The following LAMA5 variants were observed in gnomAD, a reference collection of about 807,000 sequenced individuals.
The protein encoded by LAMA5 is laminin subunit alpha-5.
In LAMA5, 260 loss-of-function variants were observed where a neutral mutation model predicts 433.4. The ratio of observed to expected loss-of-function variants is 0.60; its 90% CI spans 0.54 to 0.66. LAMA5 has a LOEUF of 0.66. Among genes scored for constraint, LAMA5 ranks in the 30% least tolerant of loss-of-function variants. The probability of loss-of-function intolerance (pLI) is 0.00; values close to 1 mark genes in which losing one functional copy is unlikely to be tolerated. For synonymous variants in LAMA5, 2,620 were observed against 2,226.6 expected (o/e 1.18, Z -4.97); for missense variants, 5,378 against 5,258.5 (o/e 1.02, Z -0.70).
chr20:62,324,968 G>A lies in LAMA5; in HGVS notation c.5529+348C>T. 1 of 405,004 alleles carries A rather than the reference G, an allele frequency of 2.5e-6. No homozygotes were observed. The highest frequency in any genetic ancestry group is 4.6e-5 in the East Asian group (1 of 21,678). 25.1% of individuals were successfully genotyped at this position (405,004 alleles called of 1,614,324 possible). On this transcript the variant is annotated intron_variant, in intron 41 of 79. Coordinates refer to ENST00000252999, the MANE Select transcript of LAMA5 (RefSeq NM_005560.6). This position sits in a 1 kb window ranked among gnomAD's most constrained non-coding sequence, Gnocchi z 4.4. Reference sequence around the variant, plus strand: ...ATTAGCAGCTGGACAGACACACAGTGGGCGAGGGATGGGCAGAATGACAGG... The same window carrying A: ...ATTAGCAGCTGGACAGACACACAGTAGGCGAGGGATGGGCAGAATGACAGG...
chr20:62,327,975 G>A lies in LAMA5; in HGVS notation c.4688C>T (p.Thr1563Ile). ...GTAGCCATGGAAGCCCGGAGAGCAG[G>A]TATCACAGCGGCGCCCAGTCACGTT... ...RPNVTGRRCD[T>I]CSPGFHGYPR... Residue 1563 changes from threonine (T) to isoleucine (I), a missense_variant, in exon 36 of 80, where the codon ACC becomes ATC. By Grantham distance (89) the Thr-to-Ile change is moderately conservative. Coordinates refer to ENST00000252999, the MANE Select transcript of LAMA5 (RefSeq NM_005560.6). The A allele has an allele frequency of 6.2e-7, 1 of 1,612,336 alleles. No homozygotes were observed. Among genetic ancestry groups the A allele is most frequent in the Non-Finnish European group, 8.5e-7 (1 of 1,179,900 alleles).
In LAMA5 at chr20:62,323,142, G is replaced by A. The variant is rs1978606184; in HGVS notation, c.6064+314C>T. Among the ~76,000 whole-genome samples, 3 of 146,372 alleles carry A rather than the reference G, an allele frequency of 2.0e-5. No individual in the cohort carries two copies. The South Asian group carries it at 6.8e-4, about 33-fold the overall frequency. On this transcript the variant is annotated intron_variant, in intron 45 of 79. Transcript: ENST00000252999. ...GGTGAAGGTGGGGGCCTGATCATGG[G>A]TAGGGGAGGGGGGATGTGATCCTGG...
At chr20:62,317,631 G>T (rs1181301458) in intron 54 of LAMA5, 31 bp downstream of exon 54, 1 of 1,528,280 alleles carries the variant, frequency 6.5e-7, no homozygotes, top group Non-Finnish European at 8.8e-7. Flanking sequence ...CCGTGGATGG[G>T]GTGGCGACAG....
chr20:62,345,505 C>G, intron 11 of LAMA5: 1 of 478,902 alleles, frequency 2.1e-6, no homozygotes, highest in Admixed American at 2.9e-5. Context: ...CTTCCAGGCT[C>G]AAGCAATCCT....
chr20:62,319,601 C>A (rs1182773018), intron 51 of LAMA5, 83 bp downstream of exon 51: 8 of 966,150 alleles, frequency 8.3e-6, no homozygotes, highest in Non-Finnish European at 1.2e-5. Flanking sequence ...TTCTTCCAGG[C>A]CAAGCTCGGC....
chr20:62,337,334 G>A (rs73313226), intron 16 of LAMA5, among the ~76,000 whole-genome samples: 14,136 of 152,188 alleles, frequency 0.093, 854 homozygotes, highest in South Asian at 0.17. Context: ...CATGACACCC[G>A]TACACACACA....
Position 62,328,627 on chromosome 20 carries a change from ACAT to A in LAMA5, c.4448-185_4448-183del, listed in dbSNP as rs10597860. On this transcript the variant is annotated intron_variant, in intron 34 of 79. Coordinates refer to ENST00000252999, the MANE Select transcript of LAMA5 (RefSeq NM_005560.6). Reference sequence around the variant, plus strand: ...ACATGGAGGCAGCTGCTCAGAATCAACATCATCGTCAGAGACTGTGGACCACCT... The same window carrying A: ...ACATGGAGGCAGCTGCTCAGAATCAACATCGTCAGAGACTGTGGACCACCT... Among the ~76,000 whole-genome samples the A allele has an allele frequency of 0.21, 32,203 of 152,070 alleles. 3,619 individuals are homozygous for A. The highest frequency in any genetic ancestry group is 0.27 in the African/African-American group (11,284 of 41,436).
Position 62,316,907 on chromosome 20 carries a change from AG to A in LAMA5, c.7627del (p.Leu2543CysfsTer30). 6.5e-7 allele frequency: 1 copy of A among 1,542,430 alleles called. No individual in the cohort carries two copies. ...QAAEDAAGQALQQADHTWATV... is the reference protein window; with the variant it reads ...QAAEDAAGQAXQQADHTWATV... Reference sequence around the variant, plus strand: ...CGCCCACGTGTGGTCCGCCTGCTGCAGGGCCTGGCCAGCAGCATCCTCGGCA... The same window carrying A: ...CGCCCACGTGTGGTCCGCCTGCTGCAGGCCTGGCCAGCAGCATCCTCGGCA... On this transcript the variant is annotated frameshift_variant, in exon 56 of 80. Transcript: ENST00000252999. LOFTEE classifies it high-confidence loss of function.
intron 4 of LAMA5, 63 bp downstream of exon 4, chr20:62,352,179 C>A: frequency 6.4e-7 from 1 of 1,559,408 alleles, no homozygotes; most frequent in East Asian, 2.3e-5. Flanking sequence ...CTCGGCACTG[C>A]CCCTCCCCTA....
chr20:62,341,629 T>C (rs1407111095), intron 11 of LAMA5, among the ~76,000 whole-genome samples: 2 of 152,110 alleles, frequency 1.3e-5, no homozygotes, highest in African/African-American at 4.8e-5. Flanking sequence ...GAAGACAGAC[T>C]AAAAATAATA....
intron 34 of LAMA5, among the ~76,000 whole-genome samples, 196 bp from the exon 35 acceptor site, chr20:62,328,641 G>C (rs1425167946): frequency 1.3e-5 from 2 of 152,206 alleles, no homozygotes; most frequent in Non-Finnish European, 2.9e-5. Flanking sequence ...CATCGTCAGA[G>C]ACTGTGGACC....
chr20:62,321,149 G>A (rs1257614533), intron 48 of LAMA5, among the ~76,000 whole-genome samples: 2 of 135,320 alleles, frequency 1.5e-5, no homozygotes, highest in South Asian at 2.4e-4. Flanking sequence ...CGGAGGTGGG[G>A]CCAGTGAAGG....
chr20:62,318,565 C>T lies in LAMA5; in HGVS notation c.7128G>A (p.Gln2376=). 6.2e-7 allele frequency: 1 copy of T among 1,610,374 alleles called. No homozygotes were observed. The highest frequency in any genetic ancestry group is 8.5e-7 in the Non-Finnish European group (1 of 1,179,036). The change falls in exon 53 of 80, where the codon CAG becomes CAA. Residue 2376 remains glutamine (Q), a synonymous_variant. Transcript: ENST00000252999. ...LATQTRDRLA[Q]HEAGLMDLRE... ...GCAGGTCCATGAGGCCGGCCTCGTG[C>T]TGGGCCAGCCGGTCGCGGGTTTGTG... is the stretch of plus-strand genomic sequence containing the variant.
At position 62,338,521 on chromosome 20, in the gene LAMA5, T is replaced by A; in HGVS notation, c.1565A>T (p.Gln522Leu). Residue 522 changes from glutamine (Q) to leucine (L), a missense_variant, in exon 12 of 80, where the codon CAA (glutamine) becomes CTA (leucine). By Grantham distance (113) the Gln-to-Leu change is moderately radical (BLOSUM62 -2). Coordinates refer to ENST00000252999, the MANE Select transcript of LAMA5 (RefSeq NM_005560.6). ...CGCGCAGAGCTCACAATGGGTGCCT[T>A]GGAAGTTGGGTTTGCACAGACAGCG... ...VGRCLCKPNF[Q>L]GTHCELCAPG... 1 of 1,610,446 alleles carries A rather than the reference T, an allele frequency of 6.2e-7. No individual in the cohort carries two copies.
intron 2 of LAMA5, among the ~76,000 whole-genome samples, chr20:62,362,174 C>T (rs981106650): frequency 2.6e-5 from 4 of 152,238 alleles, no homozygotes; most frequent in Admixed American, 1.3e-4. Flanking sequence ...CATGAGCACC[C>T]GCTTTCCCTG....
chr20:62,332,027 G>A (rs567790236), intron 28 of LAMA5, among the ~76,000 whole-genome samples: 16 of 151,914 alleles, frequency 1.1e-4, no homozygotes, highest in Non-Finnish European at 5.9e-5. Context: ...GCTCCAGCCT[G>A]GGCGACAGAG....
chr20:62,357,165 A>G (rs577917106), intron 2 of LAMA5, among the ~76,000 whole-genome samples: 24 of 152,236 alleles, frequency 1.6e-4, no homozygotes, highest in Middle Eastern at 6.8e-3. Flanking sequence ...GCCCTGACCC[A>G]TCTTGGGTTG....
chr20:62,340,197 G>T (rs941733663), intron 11 of LAMA5, among the ~76,000 whole-genome samples: 1 of 151,828 alleles, frequency 6.6e-6, no homozygotes, highest in African/African-American at 2.4e-5. Flanking sequence ...GAGTCAGAGA[G>T]AGACAAAGAC....
Position 62,310,042 on chromosome 20 carries a change from TGGA to T in LAMA5, c.10771_10773del (p.Ser3591del). 6.2e-7 allele frequency: 1 copy of T among 1,611,206 alleles called. No individual in the cohort carries two copies. Among genetic ancestry groups the T allele is most frequent in the Non-Finnish European group, 8.5e-7 (1 of 1,179,716 alleles). On this transcript the variant is annotated inframe_deletion, in exon 78 of 80. Coordinates refer to ENST00000252999, the MANE Select transcript of LAMA5 (RefSeq NM_005560.6). ...AGCACTGAGGGGCGGGTCACTGACG[TGGA>T]GAACTCCCCTGCTCCGTCATCCGCC...
Sources: allele counts gnomAD v4.1 joint callset (sites outside exome capture counted in the v4.1 genomes callset), GRCh38; gene constraint gnomAD v4.1.1; non-coding constraint Gnocchi (gnomAD v3.1); transcripts MANE v1.5; gene names NCBI Gene and HGNC (gene_info 2026-07-23, HGNC 2026-07-21).